Variants in APPBP2 observed in about 807,000 individuals in gnomAD.
APPBP2 encodes the protein amyloid protein-binding protein 2.
APPBP2 carries 15 observed loss-of-function variants against 76.0 expected under a neutral mutation model. The observed-to-expected ratio is 0.20, with a 90% CI of 0.13 to 0.30. The LOEUF (loss-of-function observed/expected upper bound fraction) is 0.30. Ranked by LOEUF, APPBP2 falls within the 10% of genes least tolerant of loss-of-function variation. The pLI, the probability that APPBP2 is intolerant of heterozygous loss-of-function variation, is 1.00. For synonymous variants in APPBP2, 222 were observed against 242.2 expected, an observed-to-expected ratio of 0.92 and a Z score of 0.77; for missense variants, 401 against 687.2, an observed-to-expected ratio of 0.58 and a Z score of 4.66.
At chr17:60,448,566 G>C (rs1035574086) in intron 12 of APPBP2, among the ~76,000 whole-genome samples, 1 of 152,198 alleles carries the variant, frequency 6.6e-6, no homozygotes. Flanking sequence ...AAAACACGTA[G>C]AATAGTTTAA....
In APPBP2 at chr17:60,472,587, A is replaced by G. The variant is rs575497463; in HGVS notation, c.504-6128T>C. On this transcript the variant is annotated intron_variant, in intron 4 of 12. Coordinates refer to ENST00000083182, the MANE Select transcript of APPBP2 (RefSeq NM_006380.5). ...TCTGGTATGGTTTTAATTTCAAGTC[A>G]GGGAGGACATCAGTGTGAGAGTGTT... Among the ~76,000 whole-genome samples, 35 of 152,312 alleles carry G rather than the reference A, an allele frequency of 2.3e-4. No individual in the cohort carries two copies. The South Asian group carries it at 3.9e-3, about 17-fold the overall frequency.
At chr17:60,486,478 GGTTTA>G (rs148819886) in intron 3 of APPBP2, among the ~76,000 whole-genome samples, 12,416 of 152,038 alleles carry the variant, frequency 0.082, 1,663 homozygotes, top group African/African-American at 0.28. Context: ...GATCTTTGTT[GGTTTA>G]AAGTCTGTTT....
At chr17:60,523,798 T>C (rs916094231) in intron 1 of APPBP2, among the ~76,000 whole-genome samples, 23 of 152,212 alleles carry the variant, frequency 1.5e-4, no homozygotes, top group African/African-American at 5.3e-4. Context: ...ATATCTTTCA[T>C]TAAAATAATC....
intron 1 of APPBP2, among the ~76,000 whole-genome samples, chr17:60,524,448 G>T (rs1320300867): frequency 6.6e-6 from 1 of 151,794 alleles, no homozygotes; most frequent in Non-Finnish European, 1.5e-5. Flanking sequence ...GTATCAAAGG[G>T]ATTAGGAAAA....
chr17:60,452,032 ATT>A lies in APPBP2; in HGVS notation c.1350_1351del (p.Glu450AspfsTer9). The A allele has an allele frequency of 6.2e-7, 1 of 1,612,228 alleles. No individual in the cohort carries two copies. The highest frequency in any genetic ancestry group is 8.5e-7 in the Non-Finnish European group (1 of 1,179,602). On this transcript the variant is annotated frameshift_variant, in exon 12 of 13. Coordinates refer to ENST00000083182, the MANE Select transcript of APPBP2 (RefSeq NM_006380.5). LOFTEE classifies it high-confidence loss of function. ...TTTAATCTGAATTGCTTTGATGTGC[ATT>A]TCTTCAGCTTCCTGAAAAACAATTA...
intron 3 of APPBP2, among the ~76,000 whole-genome samples, chr17:60,489,401 A>G (rs1353978586): frequency 1.3e-5 from 2 of 152,074 alleles, no homozygotes; most frequent in East Asian, 3.9e-4. Flanking sequence ...ACCTGAGGTT[A>G]GCAATTTGAG....
rs2090327003 is a variant in APPBP2, at chr17:60,444,221, A to G, written c.*3360T>C. 6.6e-6 allele frequency: 1 copy of G among 152,576 alleles called. No homozygotes were observed. Among genetic ancestry groups the G allele is most frequent in the African/African-American group, 2.4e-5 (1 of 41,434 alleles). The allele number at this position is 152,576 out of a possible 1,614,324, so 9.5% of individuals were successfully genotyped here. ...CTTCTAAAGCAAAGATAAAACCCCA[A>G]AAACTTTGTACTTATAGTGTTTTTC... is the stretch of plus-strand genomic sequence containing the variant. On this transcript the variant is annotated 3_prime_UTR_variant, in exon 13 of 13. Coordinates refer to ENST00000083182, the MANE Select transcript of APPBP2 (RefSeq NM_006380.5).
chr17:60,522,861 CT>C lies in APPBP2; in HGVS notation c.138+2932del, dbSNP rs71916315. Among the ~76,000 whole-genome samples, 827 of 146,128 alleles carry C rather than the reference CT, an allele frequency of 5.7e-3. 9 individuals carry two copies. Among genetic ancestry groups the C allele is most frequent in the African/African-American group, 0.018 (721 of 39,214 alleles). On this transcript the variant is annotated intron_variant, in intron 1 of 12. Transcript: ENST00000083182. ...CAAATATATTCTAGTGTCTTCCATT[CT>C]TTTTTTTTTTTAAAAAAAAGAAAAA... is the stretch of plus-strand genomic sequence containing the variant.
At chr17:60,459,196 C>A (rs79188111) in intron 9 of APPBP2, among the ~76,000 whole-genome samples, 1 of 152,018 alleles carries the variant, frequency 6.6e-6, no homozygotes, top group Non-Finnish European at 1.5e-5. Context: ...GGTAAAGCTT[C>A]GTCTATGAAA....
At chr17:60,448,618 C>A (rs918014501) in intron 12 of APPBP2, among the ~76,000 whole-genome samples, 1 of 152,182 alleles carries the variant, frequency 6.6e-6, no homozygotes, top group Non-Finnish European at 1.5e-5. Context: ...TATGTAGCTG[C>A]AAACTGATGG....
intron 4 of APPBP2, among the ~76,000 whole-genome samples, chr17:60,470,937 TGC>T (rs2090547821): frequency 6.6e-6 from 1 of 151,680 alleles, no homozygotes. Context: ...ATTACAGGTG[TGC>T]ACCACCACGC....
intron 1 of APPBP2, among the ~76,000 whole-genome samples, chr17:60,505,164 G>C (rs1461145501): frequency 6.6e-6 from 1 of 152,184 alleles, no homozygotes; most frequent in Admixed American, 6.5e-5. Context: ...GTAAAGGTTT[G>C]ATAGAATTAG....
At chr17:60,499,006 C>T (rs773449207) in intron 2 of APPBP2, among the ~76,000 whole-genome samples, 9 of 151,802 alleles carry the variant, frequency 5.9e-5, no homozygotes, top group Non-Finnish European at 1.2e-4. Flanking sequence ...CAAAAATAAA[C>T]GTAACTTCAT....
intron 3 of APPBP2, among the ~76,000 whole-genome samples, chr17:60,484,598 TGC>T (rs1270727754): frequency 6.6e-5 from 10 of 152,222 alleles, no homozygotes; most frequent in Non-Finnish European, 1.5e-4. Context: ...TTAAGGAAGT[TGC>T]TTATCAGCTT....
In APPBP2 at chr17:60,443,605, T is replaced by C. The variant is rs2143256027; in HGVS notation, c.*3976A>G. The C allele has an allele frequency of 6.6e-6, 1 of 152,634 alleles. No homozygotes were observed. Among genetic ancestry groups the C allele is most frequent in the South Asian group, 2.1e-4 (1 of 4,826 alleles). The allele number at this position is 152,634 out of a possible 1,614,324, so 9.5% of individuals were successfully genotyped here. Reference sequence around the variant, plus strand: ...GTTACCATGGCAAAATATCTTCCCATAAAAGGAATATACAGAAATGAGTAA... The same window carrying C: ...GTTACCATGGCAAAATATCTTCCCACAAAAGGAATATACAGAAATGAGTAA... On this transcript the variant is annotated 3_prime_UTR_variant, in exon 13 of 13. Transcript: ENST00000083182.
At chr17:60,477,247 T>TA in intron 4 of APPBP2, among the ~76,000 whole-genome samples, 1 of 152,272 alleles carries the variant, frequency 6.6e-6, no homozygotes, top group South Asian at 2.1e-4. Flanking sequence ...TTGGTAAGGC[T>TA]AAAGCCAAAT....
At chr17:60,479,310 A>G in intron 3 of APPBP2, 39 bp from the exon 4 acceptor site, 1 of 1,571,692 alleles carries the variant, frequency 6.4e-7, no homozygotes. Context: ...AAAACTTGAT[A>G]AATAGCCTGC....
At chr17:60,502,684 G>A (rs1350069480) in intron 1 of APPBP2, among the ~76,000 whole-genome samples, 3 of 146,196 alleles carry the variant, frequency 2.1e-5, no homozygotes, top group East Asian at 3.9e-4. Context: ...GAGAAATCCT[G>A]TCTCTACTAA....
At chr17:60,511,729 A>G (rs1365399427) in intron 1 of APPBP2, among the ~76,000 whole-genome samples, 1 of 152,226 alleles carries the variant, frequency 6.6e-6, no homozygotes, top group South Asian at 2.1e-4. Flanking sequence ...AATGCAGGGA[A>G]TTTCAAAAAT....
Sources: allele counts gnomAD v4.1 joint callset (sites outside exome capture counted in the v4.1 genomes callset), GRCh38; gene constraint gnomAD v4.1.1; transcripts MANE v1.5; gene names NCBI Gene and HGNC (gene_info 2026-07-23, HGNC 2026-07-21).